The following SNTG1 variants were observed in gnomAD, a reference collection of about 807,000 sequenced individuals.
SNTG1 encodes syntrophin gamma 1, also known as gamma-1-syntrophin.
Under a neutral mutation model 74.7 loss-of-function variants are expected in SNTG1, and 39 were observed. The ratio of observed to expected loss-of-function variants is 0.52; its 90% confidence interval spans 0.40 to 0.68. The LOEUF (loss-of-function observed/expected upper bound fraction) is 0.68, where lower values mean the gene tolerates loss of function less well. SNTG1 is among the 30% of genes least tolerant of loss of function. SNTG1 has a pLI of 0.00. For synonymous variants in SNTG1, 254 were observed against 217.1 expected (o/e 1.17, Z -1.49); for missense variants, 685 against 609.5 (o/e 1.12, Z -1.30).
intron 2 of SNTG1, among the ~76,000 whole-genome samples, chr8:50,214,612 A>G (rs987144763): frequency 2.0e-5 from 3 of 151,900 alleles, no homozygotes; most frequent in Non-Finnish European, 4.4e-5. Flanking sequence ...GCACTCATCT[A>G]CTGTGTTTTA....
intron 1 of SNTG1, among the ~76,000 whole-genome samples, chr8:50,107,418 G>A (rs58489421): frequency 0.047 from 7,094 of 152,104 alleles, 389 homozygotes; most frequent in South Asian, 0.14. Context: ...ATAAAGTAAG[G>A]TGTCTTTAAA....
At chr8:50,387,314 C>T (rs2092590709) in intron 2 of SNTG1, among the ~76,000 whole-genome samples, 1 of 152,104 alleles carries the variant, frequency 6.6e-6, no homozygotes, top group Admixed American at 6.6e-5. Flanking sequence ...ACAGAGCCAC[C>T]ACACAAATTT....
intron 9 of SNTG1, among the ~76,000 whole-genome samples, chr8:50,511,642 T>C (rs1190551587): frequency 6.6e-6 from 1 of 152,232 alleles, no homozygotes; most frequent in Non-Finnish European, 1.5e-5. Context: ...GATCTTCTTG[T>C]TGAATTGATC....
At chr8:50,091,021 A>G (rs529968237) in intron 1 of SNTG1, among the ~76,000 whole-genome samples, 64 of 152,254 alleles carry the variant, frequency 4.2e-4, no homozygotes, top group African/African-American at 1.4e-3. Context: ...ATCTTAATGG[A>G]CCAAAAATAT....
At chr8:50,776,202 A>G (rs9657050) in intron 18 of SNTG1, among the ~76,000 whole-genome samples, 17,138 of 150,340 alleles carry the variant, frequency 0.11, 2,901 homozygotes, top group African/African-American at 0.37. Flanking sequence ...ACTTTTTTGA[A>G]TATATGCTTT....
intron 1 of SNTG1, among the ~76,000 whole-genome samples, chr8:49,919,874 C>G (rs1281792441): frequency 6.6e-6 from 1 of 151,898 alleles, no homozygotes; most frequent in East Asian, 1.9e-4. Context: ...AGTAAAACTC[C>G]CGAAAGTAGA....
At chr8:50,214,196 G>A (rs1386206524) in intron 2 of SNTG1, among the ~76,000 whole-genome samples, 1 of 142,380 alleles carries the variant, frequency 7.0e-6, no homozygotes, top group Non-Finnish European at 1.5e-5. Context: ...CTCATAGGTG[G>A]GAATTGAACA....
rs983056 is a variant in SNTG1 at position 50,409,475 on chromosome 8, G to A, written c.162+7131G>A. Among the ~76,000 whole-genome samples the A allele has an allele frequency of 3.3e-3, 502 of 152,276 alleles. 2 individuals are homozygous for A. The highest frequency in any genetic ancestry group is 5.2e-3 in the Non-Finnish European group (354 of 68,024). ...GATCATTTAAAAATAGTATCAAAACGTAGGCAGCAATTATTCAGGATCTTT... is the reference window on the plus strand; with the variant it reads ...GATCATTTAAAAATAGTATCAAAACATAGGCAGCAATTATTCAGGATCTTT... On this transcript the variant is annotated intron_variant, in intron 4 of 18. Coordinates refer to ENST00000642720, the MANE Select transcript of SNTG1 (RefSeq NM_018967.5).
At chr8:50,152,540 G>C (rs906580037) in intron 1 of SNTG1, among the ~76,000 whole-genome samples, 3 of 152,184 alleles carry the variant, frequency 2.0e-5, no homozygotes. Flanking sequence ...TGCAGTGGCT[G>C]GTACCGGTTG....
chr8:50,110,676 G>C (rs2080549475), intron 1 of SNTG1, among the ~76,000 whole-genome samples: 1 of 151,932 alleles, frequency 6.6e-6, no homozygotes, highest in Non-Finnish European at 1.5e-5. Flanking sequence ...TATATTTTTT[G>C]GTAAATATAT....
At chr8:50,435,013 T>A (rs1266150146) in intron 4 of SNTG1, among the ~76,000 whole-genome samples, 1 of 152,118 alleles carries the variant, frequency 6.6e-6, no homozygotes, top group African/African-American at 2.4e-5. Context: ...TCATGTATAT[T>A]TTTCTTCCAA....
chr8:50,692,880 G>C (rs575141425), intron 15 of SNTG1, among the ~76,000 whole-genome samples: 1 of 152,350 alleles, frequency 6.6e-6, no homozygotes, highest in African/African-American at 2.4e-5. Context: ...AGGCCTCCTT[G>C]AGCTGTGGTA....
intron 1 of SNTG1, among the ~76,000 whole-genome samples, chr8:49,978,859 C>G (rs756806571): frequency 3.9e-5 from 6 of 152,140 alleles, no homozygotes; most frequent in Non-Finnish European, 8.8e-5. Flanking sequence ...GAAATATCCT[C>G]CAATTATTAG....
chr8:50,159,209 T>C (rs1306299351), intron 1 of SNTG1, among the ~76,000 whole-genome samples: 1 of 152,186 alleles, frequency 6.6e-6, no homozygotes, highest in Non-Finnish European at 1.5e-5. Flanking sequence ...ATATTCCTTT[T>C]TTTTCACTTG....
intron 1 of SNTG1, among the ~76,000 whole-genome samples, chr8:50,060,332 A>G (rs1299903906): frequency 6.6e-6 from 1 of 151,812 alleles, no homozygotes; most frequent in Non-Finnish European, 1.5e-5. Context: ...CACTCCCTTG[A>G]TGGTGTGTTT....
At position 50,624,737 on chromosome 8, in the gene SNTG1, C is replaced by T. The variant is rs1391341361; in HGVS notation, c.850-32172C>T. ...TACAGTACTTAGTTCATGCATTGCA[C>T]TTTCACAACTAACTCCATTATTTGT... On this transcript the variant is annotated intron_variant, in intron 13 of 18. Transcript: ENST00000642720. Among the ~76,000 whole-genome samples, 3 of 152,142 alleles carry T rather than the reference C, an allele frequency of 2.0e-5. No homozygotes were observed. In the East Asian group the frequency reaches 5.8e-4, roughly 29 times the overall value.
intron 1 of SNTG1, among the ~76,000 whole-genome samples, chr8:50,165,262 C>T (rs2082572863): frequency 6.6e-6 from 1 of 152,180 alleles, no homozygotes; most frequent in East Asian, 1.9e-4. Flanking sequence ...TCCCATTCAC[C>T]TTGCTCCAGC....
intron 2 of SNTG1, among the ~76,000 whole-genome samples, chr8:50,247,123 G>C (rs541863181): frequency 1.3e-5 from 2 of 152,156 alleles, no homozygotes; most frequent in South Asian, 4.1e-4. Flanking sequence ...CTTAGTCATT[G>C]GTCCTTTTCC....
At chr8:50,389,770 G>C (rs183093302) in intron 2 of SNTG1, among the ~76,000 whole-genome samples, 1 of 152,062 alleles carries the variant, frequency 6.6e-6, no homozygotes, top group African/African-American at 2.4e-5. Flanking sequence ...TTTAATGATC[G>C]CCATTCTAAC....
Sources: allele counts gnomAD v4.1 joint callset (sites outside exome capture counted in the v4.1 genomes callset), GRCh38; gene constraint gnomAD v4.1.1; transcripts MANE v1.5; gene names NCBI Gene and HGNC (gene_info 2026-07-23, HGNC 2026-07-21).